Variants in RIMBP2 observed in about 807,000 individuals in gnomAD.
RIMBP2 encodes RIMS-binding protein 2.
Under a neutral mutation model 118.6 loss-of-function variants are expected in RIMBP2, and 48 were observed. The observed-to-expected ratio is 0.40, with a 90% CI of 0.32 to 0.51. The LOEUF is 0.51. Among genes scored for constraint, RIMBP2 ranks in the 20% least tolerant of loss-of-function variants. The pLI is 0.41. For synonymous variants in RIMBP2, 762 were observed against 742.9 expected (o/e 1.03, Z -0.42); for missense variants, 1,551 against 1,768.3 (o/e 0.88, Z 2.20).
At chr12:130,626,423 C>A (rs2061633907) in intron 2 of RIMBP2, among the ~76,000 whole-genome samples, 1 of 145,676 alleles carries the variant, frequency 6.9e-6, no homozygotes, top group Admixed American at 6.6e-5. Context: ...TCAGCTCCTC[C>A]ATCACCATGA....
At chr12:130,559,145 T>C (rs973715873) in intron 2 of RIMBP2, among the ~76,000 whole-genome samples, 6 of 152,186 alleles carry the variant, frequency 3.9e-5, no homozygotes, top group African/African-American at 1.2e-4. Context: ...AATGTGTCAA[T>C]CTCCTTATTT....
intron 1 of RIMBP2, among the ~76,000 whole-genome samples, chr12:130,636,523 T>A (rs762448587): frequency 6.6e-6 from 1 of 152,192 alleles, no homozygotes; most frequent in Non-Finnish European, 1.5e-5. Flanking sequence ...TAGTATCCCC[T>A]AATCCAAGGG....
chr12:130,555,411 T>C (rs1200311062), intron 2 of RIMBP2, among the ~76,000 whole-genome samples: 2 of 152,246 alleles, frequency 1.3e-5, no homozygotes, highest in Non-Finnish European at 2.9e-5. Context: ...CTCACCGTCC[T>C]GGACACAGAC....
At chr12:130,625,303 T>C (rs924239634) in intron 2 of RIMBP2, among the ~76,000 whole-genome samples, 31 of 152,206 alleles carry the variant, frequency 2.0e-4, no homozygotes, top group Non-Finnish European at 1.5e-5. Flanking sequence ...ATATGTTTTA[T>C]TGACATAGAG....
At chr12:130,467,391 C>T (rs557658954) in intron 6 of RIMBP2, among the ~76,000 whole-genome samples, 2 of 152,348 alleles carry the variant, frequency 1.3e-5, no homozygotes, top group South Asian at 4.1e-4. Context: ...TGAACTAGCT[C>T]ATCTGGTCTT....
chr12:130,492,858 G>A (rs1430436632), intron 4 of RIMBP2, among the ~76,000 whole-genome samples: 4 of 152,200 alleles, frequency 2.6e-5, no homozygotes, highest in African/African-American at 9.7e-5. Flanking sequence ...AACCAGGTGC[G>A]GCAGCTCACG....
Position 130,488,182 on chromosome 12 carries a change from C to G in RIMBP2, c.-3-9166G>C, listed in dbSNP as rs547433102. ...CCAAAGATTCCACATTTCACCAAAC[C>G]CACAGTCAAAACTGTGAACCAGAGA... On this transcript the variant is annotated intron_variant, in intron 4 of 22. Transcript: ENST00000690449. Among the ~76,000 whole-genome samples, 5 of 152,208 alleles carry G rather than the reference C, an allele frequency of 3.3e-5. No individual in the cohort carries two copies. The East Asian group carries it at 9.7e-4, about 29-fold the overall frequency.
intron 2 of RIMBP2, among the ~76,000 whole-genome samples, chr12:130,607,726 G>A (rs1490588148): frequency 1.3e-5 from 2 of 152,042 alleles, no homozygotes; most frequent in Admixed American, 6.6e-5. Flanking sequence ...TGCTCAGTAA[G>A]GGGAGCCCCA....
intron 2 of RIMBP2, among the ~76,000 whole-genome samples, chr12:130,616,157 A>G (rs989784002): frequency 1.3e-5 from 2 of 152,098 alleles, no homozygotes; most frequent in African/African-American, 4.8e-5. Context: ...GTTTCCCACC[A>G]GACAAATGGG....
In RIMBP2 at chr12:130,470,452, T is replaced by A. The variant is rs756375006; in HGVS notation, c.153+241A>T. 2.1e-5 allele frequency: 8 copies of A among 373,710 alleles called. No homozygotes were observed. In the East Asian group the frequency reaches 3.1e-4, roughly 14 times the overall value. 23.1% of individuals were successfully genotyped at this position (373,710 alleles called of 1,614,324 possible). A position where few individuals can be genotyped will look rare whatever the true frequency, so the allele number is the denominator to read the frequency against. ...ACACACAGTTCTGGGTCTGGATGTG[T>A]GGCCAAGGGAAAGCTGCTTAACCTC... is the stretch of plus-strand genomic sequence containing the variant. On this transcript the variant is annotated intron_variant, in intron 6 of 22. Coordinates refer to ENST00000690449, the MANE Select transcript of RIMBP2 (RefSeq NM_001393629.1).
At position 130,407,999 on chromosome 12, in the gene RIMBP2, TGGTCTG is replaced by T. The variant is rs2075338705; in HGVS notation, c.3590-176_3590-171del. The stretch of plus-strand genomic sequence containing the variant: ...AGCAAACGTCTCTACTTTGGGTCAG[TGGTCTG>T]GGACTCCATATTCTTATATTTTTGC... On this transcript the variant is annotated intron_variant, in intron 19 of 22. Transcript: ENST00000690449. Among the ~76,000 whole-genome samples, 3 of 152,204 alleles carry T rather than the reference TGGTCTG, an allele frequency of 2.0e-5. No individual in the cohort carries two copies. In the South Asian group the frequency reaches 6.2e-4, roughly 32 times the overall value.
At chr12:130,654,033 G>A (rs2063332193) in intron 1 of RIMBP2, among the ~76,000 whole-genome samples, 1 of 152,196 alleles carries the variant, frequency 6.6e-6, no homozygotes, top group African/African-American at 2.4e-5. Flanking sequence ...GTTTCCTGTT[G>A]TCTTGGATAT....
intron 2 of RIMBP2, among the ~76,000 whole-genome samples, chr12:130,568,702 G>A (rs2057413034): frequency 6.6e-6 from 1 of 152,172 alleles, no homozygotes; most frequent in African/African-American, 2.4e-5. Context: ...TGAGACATCT[G>A]TTGAAAACAC....
At chr12:130,411,517 A>G (rs926350264) in intron 19 of RIMBP2, among the ~76,000 whole-genome samples, 7 of 151,734 alleles carry the variant, frequency 4.6e-5, no homozygotes, top group Non-Finnish European at 1.0e-4. Context: ...ATATCAGGCT[A>G]GGTTCCCTTG....
chr12:130,551,176 T>A (rs1281993124), intron 2 of RIMBP2, among the ~76,000 whole-genome samples: 1 of 152,096 alleles, frequency 6.6e-6, no homozygotes, highest in Non-Finnish European at 1.5e-5. Context: ...AAAAGGAGGG[T>A]GACTCCAGCA....
intron 4 of RIMBP2, among the ~76,000 whole-genome samples, chr12:130,483,612 G>A (rs968320620): frequency 1.4e-5 from 2 of 146,916 alleles, no homozygotes; most frequent in African/African-American, 2.7e-5. Flanking sequence ...GGTGGAAGGC[G>A]GGATACACAG....
intron 1 of RIMBP2, among the ~76,000 whole-genome samples, chr12:130,631,389 C>T (rs766356985): frequency 6.6e-6 from 1 of 152,160 alleles, no homozygotes; most frequent in Admixed American, 6.5e-5. Flanking sequence ...ACTAAGATAA[C>T]TAAATCTTCA....
chr12:130,663,213 C>T (rs2063735239), intron 1 of RIMBP2, among the ~76,000 whole-genome samples: 1 of 152,240 alleles, frequency 6.6e-6, no homozygotes, highest in African/African-American at 2.4e-5. Flanking sequence ...GTATCTGCCA[C>T]CTTCCTCCCC....
chr12:130,642,359 A>G (rs2062662369), intron 1 of RIMBP2, among the ~76,000 whole-genome samples: 1 of 152,078 alleles, frequency 6.6e-6, no homozygotes, highest in Non-Finnish European at 1.5e-5. Flanking sequence ...ATCTCAGCTC[A>G]CTGTAACCTC....
Sources: gnomAD v4.1 joint callset for allele counts (sites outside exome capture counted in the v4.1 genomes callset) on GRCh38, gnomAD v4.1.1 for gene constraint, MANE v1.5 for transcripts, NCBI Gene and HGNC (gene_info 2026-07-23, HGNC 2026-07-21) for gene names.